The following SCYL3 variants were observed in gnomAD, a reference collection of about 807,000 sequenced individuals.
The protein encoded by SCYL3 is SCY1 like pseudokinase 3, also known as protein-associating with the carboxyl-terminal domain of ezrin.
Under a neutral mutation model 73.8 loss-of-function variants are expected in SCYL3, and 35 were observed. The ratio of observed to expected loss-of-function variants is 0.47; its 90% CI spans 0.36 to 0.63. The LOEUF is 0.63. SCYL3 is among the 20% of genes least tolerant of loss of function. The pLI, the probability that SCYL3 is intolerant of heterozygous loss-of-function variation, is 0.00. For synonymous variants in SCYL3, 277 were observed against 295.2 expected (o/e 0.94, Z 0.63); for missense variants, 712 against 798.9 (o/e 0.89, Z 1.31).
chr1:169,860,142 C>T (rs752913003), intron 10 of SCYL3: 1 of 152,188 alleles, frequency 6.6e-6, no homozygotes, highest in Non-Finnish European at 1.5e-5. Flanking sequence ...GAAAGCTGGT[C>T]TTCAGAGAGT....
At chr1:169,876,974 A>G (rs1660889122) in intron 3 of SCYL3, among the ~76,000 whole-genome samples, 1 of 148,874 alleles carries the variant, frequency 6.7e-6, no homozygotes. Context: ...AAAAAAAAAA[A>G]AAAAAAAAAA....
intron 8 of SCYL3, 104 bp from the exon 9 acceptor site, chr1:169,864,612 G>T: frequency 8.5e-7 from 1 of 1,176,208 alleles, no homozygotes; most frequent in Non-Finnish European, 1.2e-6. Flanking sequence ...CTATCAAAGT[G>T]ATGCATTTGA....
Position 169,888,831 on chromosome 1 carries a change from C to G in SCYL3, c.10G>C (p.Glu4Gln). 1 of 1,611,126 alleles carries G rather than the reference C, an allele frequency of 6.2e-7. No homozygotes were observed. The highest frequency in any genetic ancestry group is 1.1e-5 in the South Asian group (1 of 90,262). The change falls in exon 2 of 13, where the codon GAG becomes CAG. Residue 4 changes from glutamate to glutamine, a missense_variant. Transcript: ENST00000367771. The stretch of plus-strand genomic sequence containing the variant: ...GTATAGCTCTTTAAAGCACTGTTCT[C>G]TGATCCCATCCCTTATGCAGTGAGG... MGS[E>Q]NSALKSYTLR...
At position 169,850,693 on chromosome 1, in the gene SCYL3, G is replaced by A. The variant is rs533076747; in HGVS notation, c.*3020C>T. The stretch of plus-strand genomic sequence containing the variant: ...CGCCTGCAGTCCCAGCTACTCGGGA[G>A]GCTGAGGCAGGAGAATTGCTTGAAC... On this transcript the variant is annotated 3_prime_UTR_variant, in exon 13 of 13. Transcript: ENST00000367771. The A allele has an allele frequency of 1.6e-4, 27 of 173,376 alleles. No individual in the cohort carries two copies. The highest frequency in any genetic ancestry group is 2.4e-4 in the Non-Finnish European group (19 of 79,956). 10.7% of individuals were successfully genotyped at this position (173,376 alleles called of 1,614,324 possible). A position where few individuals can be genotyped will look rare whatever the true frequency, so the allele number is the denominator to read the frequency against.
intron 12 of SCYL3, 113 bp from the exon 13 acceptor site, chr1:169,853,885 T>A: frequency 8.9e-7 from 1 of 1,118,284 alleles, no homozygotes; most frequent in Non-Finnish European, 1.3e-6. Context: ...CCAGAAACAC[T>A]ACCTCGTACT....
intron 1 of SCYL3, among the ~76,000 whole-genome samples, chr1:169,890,665 T>C (rs1345730843): frequency 6.6e-6 from 1 of 152,224 alleles, no homozygotes; most frequent in Non-Finnish European, 1.5e-5. Context: ...TATCTAAAAT[T>C]GAAGATTTTC....
chr1:169,888,889 A>T lies in SCYL3; in HGVS notation c.-49T>A, dbSNP rs1397859472. 6.7e-7 allele frequency: 1 copy of T among 1,486,740 alleles called. No homozygotes were observed. The highest frequency in any genetic ancestry group is 2.4e-5 in the East Asian group (1 of 42,332). 92.1% of individuals were successfully genotyped at this position (1,486,740 alleles called of 1,614,324 possible). On this transcript the variant is annotated splice_region_variant and 5_prime_UTR_variant, in exon 2 of 13. Coordinates refer to ENST00000367771, the MANE Select transcript of SCYL3 (RefSeq NM_020423.7). ...GCCACTCTTCCTCAAAGCCAAGCAG[A>T]TCTAAAAGAAAACAGAAAACAATTT...
chr1:169,882,535 C>A (rs1291497770), intron 2 of SCYL3, among the ~76,000 whole-genome samples: 2 of 152,206 alleles, frequency 1.3e-5, no homozygotes, highest in African/African-American at 4.8e-5. Flanking sequence ...CACCTGCAGC[C>A]CCAGTGCGGG....
In SCYL3 at chr1:169,873,592, T is replaced by C. The variant is rs750318027; in HGVS notation, c.522+104A>G. The C allele has an allele frequency of 6.3e-5, 44 of 697,098 alleles. No homozygotes were observed. In the Middle Eastern group the frequency reaches 1.1e-3, roughly 18 times the overall value. 43.2% of individuals were successfully genotyped at this position (697,098 alleles called of 1,614,324 possible). On this transcript the variant is annotated intron_variant, in intron 5 of 12. Coordinates refer to ENST00000367771, the MANE Select transcript of SCYL3 (RefSeq NM_020423.7). ...TTAAGGCCAGAGGAATTATGAGGCA[T>C]CTATAACTCAGTAAAGAAAGGAGTA...
At position 169,851,783 on chromosome 1, in the gene SCYL3, T is replaced by C. The variant is rs1403166091; in HGVS notation, c.*1930A>G. On this transcript the variant is annotated 3_prime_UTR_variant, in exon 13 of 13. Coordinates refer to ENST00000367771, the MANE Select transcript of SCYL3 (RefSeq NM_020423.7). ...CATATCTAGTAGAGTGCTAACATGT[T>C]GCTATTTGCTTGGTTTTTCATGGTC... 1.2e-6 allele frequency: 2 copies of C among 1,606,818 alleles called. No individual in the cohort carries two copies. Among genetic ancestry groups the C allele is most frequent in the Non-Finnish European group, 1.7e-6 (2 of 1,176,308 alleles).
In SCYL3 at chr1:169,851,992, TA is replaced by T. The variant is rs1274736448; in HGVS notation, c.*1720del. On this transcript the variant is annotated 3_prime_UTR_variant, in exon 13 of 13. Coordinates refer to ENST00000367771, the MANE Select transcript of SCYL3 (RefSeq NM_020423.7). ...TTAACAAGGCAAATTCTGCCCTTTTTACTTACTGACGAAACAAACCAGTGTG... is the reference window on the plus strand; with the variant it reads ...TTAACAAGGCAAATTCTGCCCTTTTTCTTACTGACGAAACAAACCAGTGTG... The T allele has an allele frequency of 2.5e-6, 4 of 1,612,434 alleles. No homozygotes were observed. The highest frequency in any genetic ancestry group is 1.3e-5 in the African/African-American group (1 of 74,898).
intron 4 of SCYL3, 23 bp from the exon 5 acceptor site, chr1:169,873,775 G>C: frequency 6.5e-7 from 1 of 1,548,242 alleles, no homozygotes; most frequent in Non-Finnish European, 8.9e-7. Context: ...ATAAATTAAA[G>C]AAAATGATTC....
chr1:169,855,687 A>T, intron 11 of SCYL3: 1 of 997,040 alleles, frequency 1.0e-6, no homozygotes, highest in South Asian at 1.8e-5. Flanking sequence ...CTGACTACAT[A>T]ATTACAAATA....
chr1:169,850,502 A>G lies in SCYL3; in HGVS notation c.*3211T>C. On this transcript the variant is annotated 3_prime_UTR_variant, in exon 13 of 13. Transcript: ENST00000367771. ...TTTACTAAGCAATTGAGGCCACAGA[A>G]GTAAAACACTTGGGGCCAGGCGCGG... 1.8e-6 allele frequency: 1 copy of G among 569,978 alleles called. No homozygotes were observed. Among genetic ancestry groups the G allele is most frequent in the East Asian group, 2.9e-5 (1 of 34,680 alleles). 35.3% of individuals were successfully genotyped at this position (569,978 alleles called of 1,614,324 possible).
intron 11 of SCYL3, chr1:169,855,828 T>C: frequency 6.2e-7 from 1 of 1,613,856 alleles, no homozygotes; most frequent in Admixed American, 1.7e-5. Flanking sequence ...GTAATCTCGC[T>C]GTATGTGCTT....
chr1:169,873,316 T>C (rs1325857358), intron 5 of SCYL3, among the ~76,000 whole-genome samples: 2 of 152,320 alleles, frequency 1.3e-5, no homozygotes, highest in South Asian at 2.1e-4. Flanking sequence ...TCCGCCATGA[T>C]TGTGAGGCCT....
At position 169,859,145 on chromosome 1, in the gene SCYL3, A is replaced by C; in HGVS notation, c.1208T>G (p.Leu403Arg). 6.2e-7 allele frequency: 1 copy of C among 1,614,050 alleles called. No individual in the cohort carries two copies. Among genetic ancestry groups the C allele is most frequent in the Non-Finnish European group, 8.5e-7 (1 of 1,179,964 alleles). ...CACCTCTGGTCCAAGCAGAGAGACC[A>C]GCACTGCTAGGCTATGCAGAGTAAT... The part of the protein sequence containing the change: ...VAITLHSLAV[L>R]VSLLGPEVVV... The change falls in exon 11 of 13, where the codon CTG becomes CGG. Residue 403 changes from leucine to arginine, a missense_variant. By Grantham distance (102) the Leu-to-Arg change is moderately radical (BLOSUM62 -2). This residue lies in a region of SCYL3 where 370 missense variants were observed against 350.8 expected (regional missense o/e 1.05). Transcript: ENST00000367771.
At chr1:169,885,225 A>T (rs757673818) in intron 2 of SCYL3, among the ~76,000 whole-genome samples, 3 of 152,216 alleles carry the variant, frequency 2.0e-5, no homozygotes, top group Non-Finnish European at 2.9e-5. Context: ...ATCAATGATG[A>T]TATTTTTCTA....
At chr1:169,856,128 AT>A (rs1659136133) in intron 11 of SCYL3, among the ~76,000 whole-genome samples, 2 of 152,218 alleles carry the variant, frequency 1.3e-5, no homozygotes, top group Non-Finnish European at 2.9e-5. Context: ...CCATTATGGA[AT>A]GGACTGCCTG....
Sources: gnomAD v4.1 joint callset for allele counts (sites outside exome capture counted in the v4.1 genomes callset) on GRCh38, gnomAD v4.1.1 for gene constraint, gnomAD v4.1.1 regional missense constraint, MANE v1.5 for transcripts, NCBI Gene and HGNC (gene_info 2026-07-23, HGNC 2026-07-21) for gene names.